The following ST8SIA5 variants were observed in gnomAD, a reference collection of about 807,000 sequenced individuals.
The protein encoded by ST8SIA5 is alpha-2,8-sialyltransferase 8E.
Under a neutral mutation model 40.2 loss-of-function variants are expected in ST8SIA5, and 24 were observed. The ratio of observed to expected loss-of-function variants is 0.60; its 90% CI spans 0.43 to 0.84. ST8SIA5 has a LOEUF of 0.84. Ranked by LOEUF, ST8SIA5 falls within the 40% of genes least tolerant of loss-of-function variation. The probability of loss-of-function intolerance (pLI) is 0.00; values close to 1 mark genes in which losing one functional copy is unlikely to be tolerated. For synonymous variants in ST8SIA5, 198 were observed against 201.8 expected (o/e 0.98, Z 0.16); for missense variants, 465 against 498.5 (o/e 0.93, Z 0.64).
intron 2 of ST8SIA5, among the ~76,000 whole-genome samples, chr18:46,703,136 T>G (rs1437108257): frequency 6.6e-6 from 1 of 152,182 alleles, no homozygotes; most frequent in Non-Finnish European, 1.5e-5. Flanking sequence ...TCTACTTTCT[T>G]TTTTTATTTT....
chr18:46,692,001 C>A (rs1264779091), intron 3 of ST8SIA5, 168 bp downstream of exon 3: 1 of 658,256 alleles, frequency 1.5e-6, no homozygotes, highest in South Asian at 1.8e-5. Context: ...CCTCAGCCTG[C>A]ATGTTGAATC....
At chr18:46,748,684 C>T (rs1032775390) in intron 1 of ST8SIA5, among the ~76,000 whole-genome samples, 4 of 150,902 alleles carry the variant, frequency 2.7e-5, no homozygotes, top group Admixed American at 1.3e-4. Context: ...AAAATCAAAA[C>T]CACAGTGAGA....
chr18:46,756,614 C>A lies in ST8SIA5; in HGVS notation c.-106G>T. 11 of 1,349,662 alleles carry A rather than the reference C, an allele frequency of 8.2e-6. No individual in the cohort carries two copies. The highest frequency in any genetic ancestry group is 1.1e-5 in the Non-Finnish European group (11 of 1,007,778). The allele number at this position is 1,349,662 out of a possible 1,614,324, so 83.6% of individuals were successfully genotyped here. Reference sequence around the variant, plus strand: ...GCGGCCGACTTGGCGCCTCACGGTGCGGTCAGGCAGGCGGGGGACTTCGAG... The same window carrying A: ...GCGGCCGACTTGGCGCCTCACGGTGAGGTCAGGCAGGCGGGGGACTTCGAG... On this transcript the variant is annotated 5_prime_UTR_variant, in exon 1 of 7. Coordinates refer to ENST00000315087, the MANE Select transcript of ST8SIA5 (RefSeq NM_013305.6).
At position 46,737,542 on chromosome 18, in the gene ST8SIA5, T is replaced by C. The variant is rs983033752; in HGVS notation, c.131+18836A>G. ...GAATCCATCCATTCAACAATTAGTG[T>C]CAGGCACTGTGCTAGGACCTGAGAA... On this transcript the variant is annotated intron_variant, in intron 1 of 6. Transcript: ENST00000315087. 2.0e-5 allele frequency among the ~76,000 whole-genome samples: 3 copies of C among 152,212 alleles called. No homozygotes were observed. In the East Asian group the frequency reaches 5.8e-4, roughly 29 times the overall value.
chr18:46,695,004 CA>C (rs1174537385), intron 2 of ST8SIA5, among the ~76,000 whole-genome samples: 2 of 151,924 alleles, frequency 1.3e-5, no homozygotes, highest in Non-Finnish European at 2.9e-5. Flanking sequence ...ACTAAAAATA[CA>C]AAAATTAGCC....
rs776836506 is a variant in ST8SIA5 at position 46,756,378 on chromosome 18, C to T, written c.131G>A (p.Arg44Lys). 1.2e-6 allele frequency: 2 copies of T among 1,612,124 alleles called. No homozygotes were observed. Among genetic ancestry groups the T allele is most frequent in the South Asian group, 2.2e-5 (2 of 90,946 alleles). ...QILYGRNYIK[R>K]YFEFYEGPFE... Reference sequence around the variant, plus strand: ...CCGCCCTCTCAATGGACTTTCTTACCTCTTAATGTAGTTCCTGCCATACAG... The same window carrying T: ...CCGCCCTCTCAATGGACTTTCTTACTTCTTAATGTAGTTCCTGCCATACAG... Residue 44 changes from arginine (R) to lysine (K), a missense_variant and splice_region_variant, in exon 1 of 7, where the codon AGG (arginine) becomes AAG (lysine). Physicochemically the swap from Arg to Lys is conservative, Grantham distance 26. Transcript: ENST00000315087.
At chr18:46,723,576 G>T (rs935622199) in intron 1 of ST8SIA5, among the ~76,000 whole-genome samples, 4 of 151,962 alleles carry the variant, frequency 2.6e-5, no homozygotes, top group Non-Finnish European at 5.9e-5. Context: ...ATGGATAGAT[G>T]AATGAATAAA....
intron 1 of ST8SIA5, among the ~76,000 whole-genome samples, chr18:46,737,219 A>AAAT (rs1253871353): frequency 6.6e-6 from 1 of 152,098 alleles, no homozygotes; most frequent in Non-Finnish European, 1.5e-5. Flanking sequence ...TCTGAGACCC[A>AAAT]CCAGTTCTTC....
At chr18:46,701,345 T>C (rs187564524) in intron 2 of ST8SIA5, among the ~76,000 whole-genome samples, 4 of 152,084 alleles carry the variant, frequency 2.6e-5, no homozygotes, top group African/African-American at 9.6e-5. Flanking sequence ...TTCACCATGT[T>C]GGCCAGGCTG....
rs1477885147 is a variant in ST8SIA5, at chr18:46,678,579, C to CCTTATGT, written c.*1456_*1462dup. The stretch of plus-strand genomic sequence containing the variant: ...AGACACAGATAATGCCTTTGTTTAT[C>CCTTATGT]CTTATGTCTTCCTAAGTCCAACCAC... On this transcript the variant is annotated 3_prime_UTR_variant, in exon 7 of 7. Transcript: ENST00000315087. 1.3e-5 allele frequency: 2 copies of CCTTATGT among 152,224 alleles called. No individual in the cohort carries two copies. Among genetic ancestry groups the CCTTATGT allele is most frequent in the African/African-American group, 4.8e-5 (2 of 41,432 alleles). The allele number at this position is 152,224 out of a possible 1,614,324, so 9.4% of individuals were successfully genotyped here. A position where few individuals can be genotyped will look rare whatever the true frequency, so the allele number is the denominator to read the frequency against.
chr18:46,706,017 G>T (rs931163648), intron 1 of ST8SIA5, among the ~76,000 whole-genome samples: 5 of 152,036 alleles, frequency 3.3e-5, no homozygotes, highest in African/African-American at 1.2e-4. Flanking sequence ...AAAAATATTG[G>T]TATTTTTATT....
chr18:46,689,895 G>GT (rs74172036), intron 3 of ST8SIA5, among the ~76,000 whole-genome samples: 15,028 of 147,070 alleles, frequency 0.1, 1,023 homozygotes, highest in African/African-American at 0.18. Flanking sequence ...GGCCTATAAT[G>GT]TTTTTTTTTT....
chr18:46,756,680 C>T lies in ST8SIA5; in HGVS notation c.-172G>A. The stretch of plus-strand genomic sequence containing the variant: ...TTGGCGCGGCCGGAGCTGGGGGCAT[C>T]CAAGCGTCGCAGGCGCTGGGGCGGC... On this transcript the variant is annotated 5_prime_UTR_variant, in exon 1 of 7. Coordinates refer to ENST00000315087, the MANE Select transcript of ST8SIA5 (RefSeq NM_013305.6). 1.4e-6 allele frequency: 1 copy of T among 728,510 alleles called. No homozygotes were observed. Among genetic ancestry groups the T allele is most frequent in the Non-Finnish European group, 2.1e-6 (1 of 470,122 alleles). 45.1% of individuals were successfully genotyped at this position (728,510 alleles called of 1,614,324 possible). A position where few individuals can be genotyped will look rare whatever the true frequency, so the allele number is the denominator to read the frequency against.
At chr18:46,726,896 AGC>A (rs2039937107) in intron 1 of ST8SIA5, among the ~76,000 whole-genome samples, 1 of 152,170 alleles carries the variant, frequency 6.6e-6, no homozygotes, top group South Asian at 2.1e-4. Context: ...GAGCAAACAG[AGC>A]GAGACTCCAT....
chr18:46,725,996 T>TATATCCTGGATATATATATATATCCTGG (rs1555696979), intron 1 of ST8SIA5, among the ~76,000 whole-genome samples: 1 of 66,074 alleles, frequency 1.5e-5, no homozygotes, highest in Non-Finnish European at 2.9e-5. Context: ...TATATATATA[T>TATATCCTGGATATATATATATATCCTGG]ATATATATAT....
chr18:46,749,527 T>C (rs1350074939), intron 1 of ST8SIA5, among the ~76,000 whole-genome samples: 1 of 152,068 alleles, frequency 6.6e-6, no homozygotes, highest in African/African-American at 2.4e-5. Flanking sequence ...GAAAGAAAAA[T>C]GTCTACATAG....
intron 1 of ST8SIA5, among the ~76,000 whole-genome samples, chr18:46,735,232 G>C (rs2040022426): frequency 6.6e-6 from 1 of 152,224 alleles, no homozygotes; most frequent in Admixed American, 6.5e-5. Context: ...TTTGAGGTTT[G>C]GGGACTTGGA....
chr18:46,703,867 G>A (rs1188312035), intron 2 of ST8SIA5, among the ~76,000 whole-genome samples: 1 of 152,180 alleles, frequency 6.6e-6, no homozygotes, highest in African/African-American at 2.4e-5. Context: ...ACCCAGGTGG[G>A]CACATGCATG....
rs191597024 is a variant in ST8SIA5 at position 46,734,089 on chromosome 18, C to T, written c.131+22289G>A. On this transcript the variant is annotated intron_variant, in intron 1 of 6. Transcript: ENST00000315087. Reference sequence around the variant, plus strand: ...GGGCCCCTCAGAGAAGGTGCCAGGACCTTCCCACCCAGATTAGAGCGGAGA... The same window carrying T: ...GGGCCCCTCAGAGAAGGTGCCAGGATCTTCCCACCCAGATTAGAGCGGAGA... 3.3e-5 allele frequency among the ~76,000 whole-genome samples: 5 copies of T among 152,210 alleles called. No homozygotes were observed. In the East Asian group the frequency reaches 9.7e-4, roughly 30 times the overall value.
Sources: allele counts gnomAD v4.1 joint callset (sites outside exome capture counted in the v4.1 genomes callset), GRCh38; gene constraint gnomAD v4.1.1; transcripts MANE v1.5; gene names NCBI Gene and HGNC (gene_info 2026-07-23, HGNC 2026-07-21).